ANPEP: variants seen among roughly 807,000 people sequenced by gnomAD.
The protein encoded by ANPEP is aminopeptidase N.
Under a neutral mutation model 114.6 loss-of-function variants are expected in ANPEP, and 70 were observed. The observed-to-expected ratio is 0.61, with a 90% CI of 0.50 to 0.75. The LOEUF (loss-of-function observed/expected upper bound fraction) is 0.75, where lower values mean the gene tolerates loss of function less well. ANPEP is among the 30% of genes least tolerant of loss of function. The pLI, the probability that ANPEP is intolerant of heterozygous loss-of-function variation, is 0.00. For synonymous variants in ANPEP, 548 were observed against 522.3 expected (o/e 1.05, Z -0.67); for missense variants, 1,184 against 1,259.5 (o/e 0.94, Z 0.91).
At chr15:89,802,858 C>T (rs1271104792) in intron 10 of ANPEP, 5 of 269,856 alleles carry the variant, frequency 1.9e-5, no homozygotes, top group Non-Finnish European at 3.7e-5. Flanking sequence ...GAGACATGCC[C>T]GTGGCGCCAG....
At chr15:89,797,252 G>T (rs1968745504) in intron 15 of ANPEP, among the ~76,000 whole-genome samples, 1 of 152,190 alleles carries the variant, frequency 6.6e-6, no homozygotes, top group Non-Finnish European at 1.5e-5. Context: ...TGTGCCTTCT[G>T]AAAGCGTTAA....
chr15:89,802,519 C>T (rs534354913), intron 10 of ANPEP: 3 of 152,812 alleles, frequency 2.0e-5, no homozygotes, highest in South Asian at 4.1e-4. Context: ...ATTTGAGGCT[C>T]GGAACTCTGG....
chr15:89,801,943 G>C (rs952066601), intron 10 of ANPEP, among the ~76,000 whole-genome samples: 4 of 152,108 alleles, frequency 2.6e-5, no homozygotes, highest in African/African-American at 4.8e-5. Flanking sequence ...AGGAGACAGA[G>C]ATGAGAGAAA....
chr15:89,806,459 T>C lies in ANPEP; in HGVS notation c.125A>G (p.Asn42Ser), dbSNP rs755278198. 1.9e-6 allele frequency: 3 copies of C among 1,613,978 alleles called. No individual in the cohort carries two copies. The highest frequency in any genetic ancestry group is 2.2e-5 in the East Asian group (1 of 44,878). The change falls in exon 2 of 21, where the codon AAC becomes AGC. Residue 42 changes from asparagine to serine, a missense_variant. Physicochemically the swap from Asn to Ser is conservative, Grantham distance 46 (BLOSUM62 1). Transcript: ENST00000300060. This position sits in a 1 kb window ranked among gnomAD's most constrained non-coding sequence, Gnocchi z 5.7. The stretch of plus-strand genomic sequence containing the variant: ...GGTGGTGGAGGCCACGGGGGAGCTG[T>C]TGGCGTTCTTGTTCTTCTCCTGGGA... Reference protein sequence around the residue: ...VYSQEKNKNANSSPVASTTPS... With the variant: ...VYSQEKNKNASSSPVASTTPS...
At chr15:89,798,939 AAAACAAAC>A (rs35792576) in intron 14 of ANPEP, among the ~76,000 whole-genome samples, 2,994 of 150,624 alleles carry the variant, frequency 0.02, 102 homozygotes, top group African/African-American at 0.068. Context: ...ACTCCGTCTC[AAAACAAAC>A]AAACAAACAA....
At chr15:89,797,374 T>C in intron 15 of ANPEP, 1 of 678,234 alleles carries the variant, frequency 1.5e-6, no homozygotes, top group Non-Finnish European at 2.3e-6. Flanking sequence ...CACCTCCATG[T>C]CCCTCCGGCT....
At chr15:89,795,508 G>A (rs1352785751) in intron 15 of ANPEP, among the ~76,000 whole-genome samples, 1 of 152,104 alleles carries the variant, frequency 6.6e-6, no homozygotes, top group Non-Finnish European at 1.5e-5. Flanking sequence ...CACCAGGACC[G>A]AGAGAAGCTC....
chr15:89,785,079 G>A lies in ANPEP; in HGVS notation c.*270C>T. 1 of 418,928 alleles carries A rather than the reference G, an allele frequency of 2.4e-6. No individual in the cohort carries two copies. The highest frequency in any genetic ancestry group is 4.4e-6 in the Non-Finnish European group (1 of 227,684). 26.0% of individuals were successfully genotyped at this position (418,928 alleles called of 1,614,324 possible). A position where few individuals can be genotyped will look rare whatever the true frequency, so the allele number is the denominator to read the frequency against. ...TCTGGCCCTGGAGCTGGGCTTCCCT[G>A]AGATCAGCCCCAGGGCACTGGGCGA... On this transcript the variant is annotated 3_prime_UTR_variant, in exon 21 of 21. Coordinates refer to ENST00000300060, the MANE Select transcript of ANPEP (RefSeq NM_001150.3).
At position 89,803,903 on chromosome 15, in the gene ANPEP, G is replaced by C; in HGVS notation, c.1279C>G (p.Pro427Ala). The C allele has an allele frequency of 6.2e-7, 1 of 1,614,206 alleles. No homozygotes were observed. Among genetic ancestry groups the C allele is most frequent in the Non-Finnish European group, 8.5e-7 (1 of 1,180,010 alleles). Residue 427 changes from proline to alanine, a missense_variant, in exon 7 of 21, where the codon CCC becomes GCC. Transcript: ENST00000300060. This position sits in a 1 kb window ranked among gnomAD's most constrained non-coding sequence, Gnocchi z 4.2. ...AGCTGGCTTACCAAGTTCCAGGTGG[G>C]CTCCGCATAGTCAGCACCCAGGTAC... ...VEYLGADYAE[P>A]TWNLKDLMVL...
chr15:89,809,344 T>C (rs1894779078), intron 1 of ANPEP, among the ~76,000 whole-genome samples: 1 of 152,180 alleles, frequency 6.6e-6, no homozygotes, highest in African/African-American at 2.4e-5. Flanking sequence ...TAATCCCTTT[T>C]CTAAACAAAG....
chr15:89,801,723 G>A (rs1596166942), intron 10 of ANPEP, 116 bp from the exon 11 acceptor site: 1 of 1,251,540 alleles, frequency 8.0e-7, no homozygotes, highest in East Asian at 2.5e-5. Context: ...TGGGAGGCCT[G>A]GGAAGGGCAC....
At chr15:89,785,559 A>C (rs569598218) in intron 20 of ANPEP, 58 bp from the exon 21 acceptor site, 1 of 1,604,532 alleles carries the variant, frequency 6.2e-7, no homozygotes, top group Non-Finnish European at 8.5e-7. Flanking sequence ...CTTGAGGAGG[A>C]GCTCTCTCAG....
rs1968487599 is a variant in ANPEP, at chr15:89,785,380, A to T, written c.2873T>A (p.Val958Glu). 1 of 1,614,052 alleles carries T rather than the reference A, an allele frequency of 6.2e-7. No individual in the cohort carries two copies. The highest frequency in any genetic ancestry group is 8.5e-7 in the Non-Finnish European group (1 of 1,180,030). Residue 958 changes from valine (V) to glutamate (E), a missense_variant, in exon 21 of 21, where the codon GTG (valine) becomes GAG (glutamate). By Grantham distance (121) the Val-to-Glu change is moderately radical. Coordinates refer to ENST00000300060, the MANE Select transcript of ANPEP (RefSeq NM_001150.3). ...IKWVKENKEV[V>E]LQWFTENSK ...GCTGTTTTCTGTGAACCACTGGAGC[A>T]CCACCTCCTTGTTCTCCTTCACCCA...
At chr15:89,804,467 C>T (rs200448974) in intron 5 of ANPEP, 24 bp downstream of exon 5, 1 of 1,614,122 alleles carries the variant, frequency 6.2e-7, no homozygotes, top group African/African-American at 1.3e-5. Context: ...TCCACTGCCT[C>T]CCTCCTCAAG....
chr15:89,811,328 T>G (rs1024279651), intron 1 of ANPEP, among the ~76,000 whole-genome samples: 18 of 152,196 alleles, frequency 1.2e-4, no homozygotes, highest in Admixed American at 3.3e-4. Flanking sequence ...TAATTTATAT[T>G]AACAATTCAT....
chr15:89,799,486 C>G lies in ANPEP; in HGVS notation c.1893G>C (p.Arg631=), dbSNP rs1325939057. The G allele has an allele frequency of 1.9e-6, 3 of 1,614,126 alleles. No individual in the cohort carries two copies. The highest frequency in any genetic ancestry group is 2.5e-6 in the Non-Finnish European group (3 of 1,180,036). Residue 631 remains arginine, a synonymous_variant, in exon 13 of 21, where the codon CGG becomes CGC. Transcript: ENST00000300060. The surrounding 1 kb of genome is among the most constrained non-coding windows in gnomAD (Gnocchi z 4.2). ...LLNLNVTGYY[R]VNYDEENWRK... ...TCCAGTTCTCTTCGTCGTAGTTCACCCGGTAATAGCCCGTCACATTGAGGT... is the reference window on the plus strand; with the variant it reads ...TCCAGTTCTCTTCGTCGTAGTTCACGCGGTAATAGCCCGTCACATTGAGGT...
intron 15 of ANPEP, among the ~76,000 whole-genome samples, chr15:89,794,414 G>A (rs1318098532): frequency 6.6e-6 from 1 of 152,144 alleles, no homozygotes; most frequent in Non-Finnish European, 1.5e-5. Context: ...AATCTGGGAG[G>A]TGGAGGTTGA....
intron 4 of ANPEP, 103 bp from the exon 5 acceptor site, chr15:89,804,720 C>A: frequency 1.3e-6 from 2 of 1,494,076 alleles, no homozygotes; most frequent in Non-Finnish European, 9.0e-7. Context: ...CCTGATGGGC[C>A]AGGGCTGGAG....
Position 89,793,063 on chromosome 15 carries a change from T to C in ANPEP, c.2221A>G (p.Arg741Gly), listed in dbSNP as rs1460963440. ...TCCATCAGGTTTTCTGGGATCTCCC[T>C]CCAGTTGTTGGTATTATTTCTGAAG... ...IHFRNNTNNW[R>G]EIPENLMDQY... Residue 741 changes from arginine (R) to glycine (G), a missense_variant, in exon 16 of 21, where the codon AGG (arginine) becomes GGG (glycine). Coordinates refer to ENST00000300060, the MANE Select transcript of ANPEP (RefSeq NM_001150.3). 6.2e-7 allele frequency: 1 copy of C among 1,614,180 alleles called. No individual in the cohort carries two copies. The highest frequency in any genetic ancestry group is 8.5e-7 in the Non-Finnish European group (1 of 1,180,002).
Sources: allele counts gnomAD v4.1 joint callset (sites outside exome capture counted in the v4.1 genomes callset), GRCh38; gene constraint gnomAD v4.1.1; non-coding constraint Gnocchi (gnomAD v3.1); transcripts MANE v1.5; gene names NCBI Gene and HGNC (gene_info 2026-07-23, HGNC 2026-07-21).